Variants in TTI1 observed in about 807,000 individuals in gnomAD.
TTI1 encodes the protein TELO2-interacting protein 1 homolog.
Under a neutral mutation model 85.4 loss-of-function variants are expected in TTI1, and 52 were observed. The observed-to-expected ratio is 0.61, with a 90% CI of 0.49 to 0.77. TTI1 has a LOEUF of 0.77. Ranked by LOEUF, TTI1 falls within the 30% of genes least tolerant of loss-of-function variation. TTI1 has a pLI of 0.00. For synonymous variants in TTI1, 512 were observed against 503.9 expected (o/e 1.02, Z -0.22); for missense variants, 1,173 against 1,296.0 (o/e 0.91, Z 1.46).
chr20:37,987,854 C>T (rs1218974620), intron 7 of TTI1, among the ~76,000 whole-genome samples: 1 of 152,156 alleles, frequency 6.6e-6, no homozygotes, highest in Non-Finnish European at 1.5e-5. Flanking sequence ...TCAGTAAGTA[C>T]CTAATAAACT....
rs754907828 is a variant in TTI1 at position 38,012,101 on chromosome 20, C to T, written c.1716G>A (p.Leu572=). Residue 572 remains leucine (L), a synonymous_variant, in exon 2 of 8, where the codon TTG becomes TTA. Coordinates refer to ENST00000373447, the MANE Select transcript of TTI1 (RefSeq NM_001303457.2). ...EEYTSQENWY[L]VTCLETEEMG... ...TTTCCTCAGTTTCAAGACAGGTAACCAAATACCAATTTTCTTGACTTGTGT... is the reference window on the plus strand; with the variant it reads ...TTTCCTCAGTTTCAAGACAGGTAACTAAATACCAATTTTCTTGACTTGTGT... 1.9e-6 allele frequency: 3 copies of T among 1,614,038 alleles called. No individual in the cohort carries two copies. The highest frequency in any genetic ancestry group is 2.5e-6 in the Non-Finnish European group (3 of 1,180,042).
At chr20:38,006,027 A>T in intron 3 of TTI1, 170 bp downstream of exon 3, 1 of 808,502 alleles carries the variant, frequency 1.2e-6, no homozygotes, top group Non-Finnish European at 1.9e-6. Flanking sequence ...CAGTTTTGTA[A>T]CAGAAAAGAA....
chr20:38,021,792 C>T (rs1350575513), intron 1 of TTI1, among the ~76,000 whole-genome samples: 1 of 152,128 alleles, frequency 6.6e-6, no homozygotes. Context: ...TAACTTGTAA[C>T]AGGGGTGGGC....
rs867967302 is a variant in TTI1, at chr20:38,020,331, T to A, written c.-41-6474A>T. Reference sequence around the variant, plus strand: ...ATATGAAAAAAAAAAAAAATATATATATATATATATATATATATATATGTA... The same window carrying A: ...ATATGAAAAAAAAAAAAAATATATAAATATATATATATATATATATATGTA... On this transcript the variant is annotated intron_variant, in intron 1 of 7. Coordinates refer to ENST00000373447, the MANE Select transcript of TTI1 (RefSeq NM_001303457.2). Among the ~76,000 whole-genome samples, 99 of 84,864 alleles carry A rather than the reference T, an allele frequency of 1.2e-3. 1 individual carries two copies. The highest frequency in any genetic ancestry group is 4.1e-3 in the African/African-American group (81 of 19,780). 55.7% of individuals were successfully genotyped at this position (84,864 alleles called of 152,430 possible).
intron 7 of TTI1, among the ~76,000 whole-genome samples, chr20:37,995,266 A>G (rs1294430561): frequency 2.0e-5 from 3 of 152,256 alleles, no homozygotes; most frequent in Non-Finnish European, 4.4e-5. Context: ...TGGGAAATCA[A>G]GAGCAAAAAA....
At chr20:38,011,254 T>C (rs2073582152) in intron 2 of TTI1, among the ~76,000 whole-genome samples, 1 of 152,198 alleles carries the variant, frequency 6.6e-6, no homozygotes, top group South Asian at 2.1e-4. Context: ...TTTTTCTTAT[T>C]TATAAAATAG....
At position 38,006,359 on chromosome 20, in the gene TTI1, G is replaced by A; in HGVS notation, c.2341C>T (p.Gln781Ter). ...CCCTCTTCTCCTAAACTTTGCTCTT[G>A]GAGGTGCCCAAGATTACCTGTGTCT... is the stretch of plus-strand genomic sequence containing the variant. ...FPDTGNLGHL[Q>*]EQSLGEEGSH... Residue 781 changes from glutamine to a stop codon, truncating the protein, a stop_gained, in exon 3 of 8, where the codon CAA (glutamine) becomes TAA (stop). Transcript: ENST00000373447. LOFTEE classifies it high-confidence loss of function. 6.2e-7 allele frequency: 1 copy of A among 1,614,138 alleles called. No homozygotes were observed. The highest frequency in any genetic ancestry group is 8.5e-7 in the Non-Finnish European group (1 of 1,180,032).
intron 1 of TTI1, among the ~76,000 whole-genome samples, chr20:38,014,999 T>A (rs576738264): frequency 6.6e-6 from 1 of 152,240 alleles, no homozygotes; most frequent in South Asian, 2.1e-4. Flanking sequence ...GGCTTAGAGA[T>A]CATCTAGTCT....
intron 2 of TTI1, among the ~76,000 whole-genome samples, chr20:38,011,302 T>C (rs1405522113): frequency 1.3e-5 from 2 of 152,224 alleles, no homozygotes; most frequent in Non-Finnish European, 2.9e-5. Context: ...GTTTATACCC[T>C]GGCATAGAGC....
intron 1 of TTI1, among the ~76,000 whole-genome samples, chr20:38,021,706 T>C (rs980078697): frequency 6.6e-6 from 1 of 152,088 alleles, no homozygotes; most frequent in Admixed American, 6.5e-5. Flanking sequence ...ACTGGAGAGG[T>C]GGGAGATGAG....
At chr20:38,023,314 C>A (rs2073794151) in intron 1 of TTI1, among the ~76,000 whole-genome samples, 1 of 152,176 alleles carries the variant, frequency 6.6e-6, no homozygotes. Context: ...TTATCAGAAT[C>A]AAGGAGGAAC....
chr20:38,020,943 C>A (rs748946610), intron 1 of TTI1, among the ~76,000 whole-genome samples: 3 of 152,216 alleles, frequency 2.0e-5, no homozygotes, highest in African/African-American at 7.2e-5. Context: ...TTGGCAGTAT[C>A]TATTATTTCA....
chr20:38,028,780 C>T (rs1049706927), intron 1 of TTI1, among the ~76,000 whole-genome samples: 2 of 152,192 alleles, frequency 1.3e-5, no homozygotes, highest in Non-Finnish European at 2.9e-5. Context: ...TCGATGATGG[C>T]TCACTGCAGC....
intron 1 of TTI1, among the ~76,000 whole-genome samples, chr20:38,022,037 G>C (rs1429537887): frequency 6.6e-6 from 1 of 152,160 alleles, no homozygotes; most frequent in Admixed American, 6.5e-5. Flanking sequence ...ATACACTTTG[G>C]GCTATGTGAG....
At chr20:38,025,887 C>G (rs544304423) in intron 1 of TTI1, among the ~76,000 whole-genome samples, 1 of 152,044 alleles carries the variant, frequency 6.6e-6, no homozygotes, top group Non-Finnish European at 1.5e-5. Context: ...ATAGGAATTA[C>G]CCAATCTGAA....
Position 37,983,456 on chromosome 20 carries a change from T to A in TTI1, c.3270A>T (p.Ter1090CysextTer21). ...NVLQLLKELQ[*>C] The stretch of plus-strand genomic sequence containing the variant: ...TGGCCTCTGTGGTGGGGGAGCAGGG[T>A]CACTGCAGCTCCTTGAGCAGCTGGA... The change falls in exon 8 of 8, where the codon TGA becomes TGT. Residue 1090 changes from the stop codon to cysteine, a stop_lost. Coordinates refer to ENST00000373447, the MANE Select transcript of TTI1 (RefSeq NM_001303457.2). 1.2e-6 allele frequency: 2 copies of A among 1,609,178 alleles called. No individual in the cohort carries two copies. The highest frequency in any genetic ancestry group is 1.7e-6 in the Non-Finnish European group (2 of 1,179,200).
At position 38,012,317 on chromosome 20, in the gene TTI1, A is replaced by G. The variant is rs1461725150; in HGVS notation, c.1500T>C (p.Asn500=). Residue 500 remains asparagine, a synonymous_variant, in exon 2 of 8, where the codon AAT becomes AAC. Coordinates refer to ENST00000373447, the MANE Select transcript of TTI1 (RefSeq NM_001303457.2). ...QVCQLLGYYG[N]LYLLVDHFME... ...TAAAGTGATCCACAAGCAAATAAAG[A>G]TTCCCATAATAACCAAGTAGCTGAC... is the stretch of plus-strand genomic sequence containing the variant. The G allele has an allele frequency of 6.2e-7, 1 of 1,614,222 alleles. No homozygotes were observed.
intron 1 of TTI1, among the ~76,000 whole-genome samples, chr20:38,021,143 A>C (rs975383788): frequency 5.9e-5 from 9 of 152,248 alleles, no homozygotes; most frequent in Non-Finnish European, 2.9e-5. Context: ...ATTCTATGAA[A>C]TACTATACAG....
rs757362612 is a variant in TTI1 at position 38,012,499 on chromosome 20, C to T, written c.1318G>A (p.Val440Met). 26 of 1,614,066 alleles carry T rather than the reference C, an allele frequency of 1.6e-5. No individual in the cohort carries two copies. Among genetic ancestry groups the T allele is most frequent in the East Asian group, 4.5e-5 (2 of 44,900 alleles). Residue 440 changes from valine to methionine, a missense_variant, in exon 2 of 8, where the codon GTG becomes ATG. Physicochemically the swap from Val to Met is conservative, Grantham distance 21. Coordinates refer to ENST00000373447, the MANE Select transcript of TTI1 (RefSeq NM_001303457.2). ...KALIQVLELD[V>M]ADIKIVEERR... ...TCCTCAACAATCTTGATGTCAGCCACGTCTAGCTCTAGAACTTGGATGAGT... is the reference window on the plus strand; with the variant it reads ...TCCTCAACAATCTTGATGTCAGCCATGTCTAGCTCTAGAACTTGGATGAGT...
Sources: gnomAD v4.1 joint callset for allele counts (sites outside exome capture counted in the v4.1 genomes callset) on GRCh38, gnomAD v4.1.1 for gene constraint, MANE v1.5 for transcripts, NCBI Gene and HGNC (gene_info 2026-07-23, HGNC 2026-07-21) for gene names.